Variants in EPHA4 observed in about 807,000 individuals in gnomAD.
The protein encoded by EPHA4 is ephrin type-A receptor 4.
In EPHA4, 19 loss-of-function variants were observed where a neutral mutation model predicts 108.3. The observed-to-expected ratio is 0.18, with a 90% CI of 0.12 to 0.26. The LOEUF (loss-of-function observed/expected upper bound fraction) is 0.26. Ranked by LOEUF, EPHA4 falls within the 10% of genes least tolerant of loss-of-function variation. EPHA4 has a pLI of 1.00. For synonymous variants in EPHA4, 449 were observed against 455.5 expected, an observed-to-expected ratio of 0.99 and a Z score of 0.18; for missense variants, 917 against 1,254.0, an observed-to-expected ratio of 0.73 and a Z score of 4.06.
chr2:221,435,484 C>CAA (rs538105792), intron 13 of EPHA4, among the ~76,000 whole-genome samples: 1 of 151,910 alleles, frequency 6.6e-6, no homozygotes, highest in South Asian at 2.1e-4. Context: ...TGCCCCCCTC[C>CAA]AAAAAAAGCT....
intron 8 of EPHA4, among the ~76,000 whole-genome samples, chr2:221,449,456 A>T (rs760135623): frequency 2.0e-5 from 3 of 152,232 alleles, no homozygotes; most frequent in Non-Finnish European, 4.4e-5. Flanking sequence ...CAAGCTGATT[A>T]AAACTGGGAA....
intron 3 of EPHA4, among the ~76,000 whole-genome samples, chr2:221,533,985 G>A (rs1309073998): frequency 6.6e-6 from 1 of 152,138 alleles, no homozygotes; most frequent in African/African-American, 2.4e-5. Context: ...GACACTCCAT[G>A]TGCTTCACAC....
chr2:221,464,758 T>C (rs1265671169), intron 5 of EPHA4, among the ~76,000 whole-genome samples: 1 of 152,160 alleles, frequency 6.6e-6, no homozygotes, highest in African/African-American at 2.4e-5. Context: ...AAGTAAAAAG[T>C]CAGCTCCACC....
chr2:221,567,073 A>G (rs978092543), intron 2 of EPHA4, among the ~76,000 whole-genome samples: 6 of 152,018 alleles, frequency 3.9e-5, no homozygotes, highest in African/African-American at 1.5e-4. Context: ...TAGACTATGG[A>G]CTGTACCCTA....
chr2:221,455,494 T>C (rs1559248363), intron 8 of EPHA4, 53 bp downstream of exon 8: 7 of 1,386,304 alleles, frequency 5.0e-6, no homozygotes. Context: ...AAAAAAACCA[T>C]CATAAACACT....
chr2:221,553,710 T>C (rs1471148813), intron 3 of EPHA4, among the ~76,000 whole-genome samples: 2 of 152,244 alleles, frequency 1.3e-5, no homozygotes, highest in African/African-American at 2.4e-5. Context: ...GGAACCTTTT[T>C]CGCCTTGCTT....
intron 5 of EPHA4, among the ~76,000 whole-genome samples, chr2:221,466,501 G>A (rs1691318168): frequency 6.6e-6 from 1 of 152,008 alleles, no homozygotes; most frequent in Non-Finnish European, 1.5e-5. Flanking sequence ...TGGAAACTCA[G>A]GTACAAAGAA....
At chr2:221,562,047 A>G (rs970344633) in intron 3 of EPHA4, among the ~76,000 whole-genome samples, 21 of 152,126 alleles carry the variant, frequency 1.4e-4, no homozygotes, top group African/African-American at 5.1e-4. Flanking sequence ...ATGCACTCAC[A>G]TATTTTCTTA....
At chr2:221,519,640 A>G (rs1693097834) in intron 3 of EPHA4, among the ~76,000 whole-genome samples, 2 of 152,214 alleles carry the variant, frequency 1.3e-5, no homozygotes, top group African/African-American at 4.8e-5. Context: ...TACCTTTGCA[A>G]CAACCAACCT....
upstream of EPHA4, chr2:221,572,490 G>C (rs1335145057): frequency 1.9e-5 from 5 of 261,886 alleles, no homozygotes; most frequent in African/African-American, 6.2e-5. Flanking sequence ...GCGGTCTCCC[G>C]GGGCTCTAGG....
intron 4 of EPHA4, among the ~76,000 whole-genome samples, chr2:221,485,444 G>T (rs1037074343): frequency 6.6e-6 from 1 of 152,206 alleles, no homozygotes; most frequent in Admixed American, 6.5e-5. Context: ...TTCAGTGCTG[G>T]TAAATCGTAC....
chr2:221,418,757 C>T lies in EPHA4; in HGVS notation c.*2615G>A, dbSNP rs907549524. ...CGGCACATGAGTTAGCATTGGAGCTCACTCGGCCAGGGCTTGCCCACGGGC... is the reference window on the plus strand; with the variant it reads ...CGGCACATGAGTTAGCATTGGAGCTTACTCGGCCAGGGCTTGCCCACGGGC... On this transcript the variant is annotated 3_prime_UTR_variant, in exon 18 of 18. Coordinates refer to ENST00000281821, the MANE Select transcript of EPHA4 (RefSeq NM_004438.5). 3 of 152,408 alleles carry T rather than the reference C, an allele frequency of 2.0e-5. No homozygotes were observed. The highest frequency in any genetic ancestry group is 4.4e-5 in the Non-Finnish European group (3 of 68,060). The allele number at this position is 152,408 out of a possible 1,614,324, so 9.4% of individuals were successfully genotyped here.
chr2:221,458,474 A>T lies in EPHA4; in HGVS notation c.1319-484T>A, dbSNP rs115229535. Among the ~76,000 whole-genome samples the T allele has an allele frequency of 6.0e-3, 913 of 152,298 alleles. 9 individuals are homozygous for T. The highest frequency in any genetic ancestry group is 0.021 in the African/African-American group (868 of 41,552). On this transcript the variant is annotated intron_variant, in intron 5 of 17. Coordinates refer to ENST00000281821, the MANE Select transcript of EPHA4 (RefSeq NM_004438.5). ...AATAAGTACTGTAGGGAATGCCAAA[A>T]GGGAAACAATTTACATACTTTCCAA...
chr2:221,428,438 ATAAT>A (rs1689974913), intron 15 of EPHA4, among the ~76,000 whole-genome samples: 1 of 152,232 alleles, frequency 6.6e-6, no homozygotes, highest in Non-Finnish European at 1.5e-5. Context: ...TTTAGAACTG[ATAAT>A]AGTGTATCTA....
Position 221,457,986 on chromosome 2 carries a change from T to C in EPHA4, c.1323A>G (p.Pro441=), listed in dbSNP as rs375865825. 48 of 1,609,460 alleles carry C rather than the reference T, an allele frequency of 3.0e-5. No individual in the cohort carries two copies. Among genetic ancestry groups the C allele is most frequent in the Non-Finnish European group, 4.1e-5 (48 of 1,178,596 alleles). The change falls in exon 6 of 18, where the codon CCA becomes CCG. Residue 441 remains proline (P), a synonymous_variant. Transcript: ENST00000281821. ...TAGCCTGGACCAAAGCAATGGATGA[T>C]GGTGCTGTTAGAAAAAAACAAAAGA... ...SVTVTTNQAA[P]SSIALVQAKE... is the part of the protein sequence containing the mutation.
intron 3 of EPHA4, among the ~76,000 whole-genome samples, chr2:221,513,991 G>A (rs565358364): frequency 6.6e-6 from 1 of 152,168 alleles, no homozygotes; most frequent in African/African-American, 2.4e-5. Flanking sequence ...AGCCCCAAAA[G>A]CTTGGGATAA....
intron 5 of EPHA4, among the ~76,000 whole-genome samples, chr2:221,467,316 C>A (rs1691342523): frequency 6.6e-6 from 1 of 152,004 alleles, no homozygotes; most frequent in South Asian, 2.1e-4. Flanking sequence ...CGAATCTTGC[C>A]CACTTTTCCA....
At chr2:221,556,178 T>G (rs1241628599) in intron 3 of EPHA4, among the ~76,000 whole-genome samples, 1 of 152,246 alleles carries the variant, frequency 6.6e-6, no homozygotes, top group Non-Finnish European at 1.5e-5. Context: ...TTTAAATTAT[T>G]TTTAATTCAT....
At chr2:221,451,711 G>A (rs539901382) in intron 8 of EPHA4, among the ~76,000 whole-genome samples, 5 of 152,122 alleles carry the variant, frequency 3.3e-5, no homozygotes, top group Non-Finnish European at 7.4e-5. Context: ...GATCAAAGAT[G>A]CCTACAGAAA....
Sources: allele counts gnomAD v4.1 joint callset (sites outside exome capture counted in the v4.1 genomes callset), GRCh38; gene constraint gnomAD v4.1.1; transcripts MANE v1.5; gene names NCBI Gene and HGNC (gene_info 2026-07-23, HGNC 2026-07-21).